The following SATL1 variants were observed in gnomAD, a reference collection of about 807,000 sequenced individuals.
SATL1 encodes the protein spermidine/spermine N1-acetyl transferase like 1.
SATL1 carries 47 observed loss-of-function variants against 51.8 expected under a neutral mutation model. The observed-to-expected ratio is 0.91, with a 90% confidence interval of 0.72 to 1.16. The LOEUF is 1.16. Ranked by LOEUF, SATL1 falls within the 50% of genes most tolerant of loss-of-function variation. The pLI, the probability that SATL1 is intolerant of heterozygous loss-of-function variation, is 0.00. For missense variants in SATL1, 520 were observed against 526.4 expected (o/e 0.99, Z 0.12); for synonymous variants, 176 against 182.4 (o/e 0.97, Z 0.28).
chrX:85,109,579 C>G (rs1383465049), intron 2 of SATL1, among the ~76,000 whole-genome samples: 1 of 111,748 alleles, frequency 8.9e-6, no homozygotes, highest in Non-Finnish European at 1.9e-5. Context: ...CTTGCCGCAA[C>G]TCCCCTCCCT....
chrX:85,129,300 G>A (rs771814811), intron 2 of SATL1, among the ~76,000 whole-genome samples: 22 of 111,885 alleles, frequency 2.0e-4, no homozygotes, highest in African/African-American at 7.1e-4. Context: ...TCTTCCATTT[G>A]TTTGTGTCCT....
At chrX:85,208,509 TCCCA>T (rs1394026445) in intron 2 of SATL1, among the ~76,000 whole-genome samples, 4 of 111,846 alleles carry the variant, frequency 3.6e-5, no homozygotes. Flanking sequence ...TAATTTACAC[TCCCA>T]CCAACAGTGT....
At chrX:85,196,434 C>A (rs1771001559) in intron 2 of SATL1, among the ~76,000 whole-genome samples, 1 of 111,436 alleles carries the variant, frequency 9.0e-6, no homozygotes, top group Non-Finnish European at 1.9e-5. Context: ...TGAAAATCCC[C>A]ACTGCATTTT....
intron 2 of SATL1, among the ~76,000 whole-genome samples, chrX:85,138,026 CT>C (rs1384759472): frequency 1.8e-5 from 2 of 111,836 alleles, no homozygotes; most frequent in Admixed American, 1.9e-4. Flanking sequence ...TTCCATCTCT[CT>C]GCTAACATTA....
intron 2 of SATL1, among the ~76,000 whole-genome samples, chrX:85,174,314 T>C (rs1234107996): frequency 1.8e-5 from 2 of 109,625 alleles, no homozygotes; most frequent in Non-Finnish European, 3.8e-5. Context: ...ATAAGACCTG[T>C]ATGGATAAAA....
At chrX:85,092,642 A>G (rs1235029175) in intron 7 of SATL1, 81 bp from the exon 8 acceptor site, 1 of 891,716 alleles carries the variant, frequency 1.1e-6, no homozygotes, top group Non-Finnish European at 1.6e-6. Flanking sequence ...TTGAAGGTCT[A>G]CTCTATGCAA....
In SATL1 at chrX:85,131,177, G is replaced by A. The variant is rs754286560; in HGVS notation, c.-312-21897C>T. Among the ~76,000 whole-genome samples, 3 of 111,609 alleles carry A rather than the reference G, an allele frequency of 2.7e-5. 1 individual carries two copies. Among genetic ancestry groups the A allele is most frequent in the African/African-American group, 6.5e-5 (2 of 30,681 alleles). On this transcript the variant is annotated intron_variant, in intron 2 of 7. Coordinates refer to ENST00000644105, the MANE Select transcript of SATL1 (RefSeq NM_001367857.2). ...GTCTATTCGGTCTGCTTGGTGCAGA[G>A]CTGAGTTCAATTCCTGGATATCCTT...
At position 85,107,921 on chromosome X, in the gene SATL1, C is replaced by A. The variant is rs1231695875; in HGVS notation, c.1048G>T (p.Gly350Cys). The change falls in exon 3 of 8, where the codon GGT (glycine) becomes TGT (cysteine). Residue 350 changes from glycine to cysteine, a missense_variant. By Grantham distance (159) the Gly-to-Cys change is radical (BLOSUM62 -3). Around this residue, in one of 3 missense-constraint regions of SATL1, gnomAD observed 488 missense variants for 474.3 expected, o/e 1.03. Transcript: ENST00000644105. ...TGGCTTGGGGCTCGTTGCGGTGGAC[C>A]TGGTTGGCTTATGCTTGCTTCACTC... ...VLSEASISQP[G>C]PPQRAPSQSG... 2 of 1,208,774 alleles carry A rather than the reference C, an allele frequency of 1.7e-6. No individual in the cohort carries two copies. Among genetic ancestry groups the A allele is most frequent in the African/African-American group, 3.5e-5 (2 of 56,696 alleles).
chrX:85,178,648 A>C (rs1480276402), intron 2 of SATL1, among the ~76,000 whole-genome samples: 2 of 100,251 alleles, frequency 2.0e-5, no homozygotes, highest in African/African-American at 8.6e-5. Flanking sequence ...ACAAACAAAC[A>C]AAAAAAAACA....
intron 1 of SATL1, among the ~76,000 whole-genome samples, chrX:85,226,101 C>A (rs763320090): frequency 9.0e-6 from 1 of 111,380 alleles, no homozygotes; most frequent in East Asian, 2.8e-4. Context: ...ATTCCCCATG[C>A]AACTCTGCAC....
At chrX:85,206,932 T>C (rs774929020) in intron 2 of SATL1, among the ~76,000 whole-genome samples, 1 of 111,442 alleles carries the variant, frequency 9.0e-6, no homozygotes, top group African/African-American at 3.3e-5. Flanking sequence ...CAGAGTGTAT[T>C]AATACAGAGG....
At chrX:85,150,113 TA>T (rs1159046925) in intron 2 of SATL1, among the ~76,000 whole-genome samples, 17 of 110,472 alleles carry the variant, frequency 1.5e-4, no homozygotes, top group African/African-American at 5.3e-4. Flanking sequence ...ATAGATGCAA[TA>T]AAAAATGATA....
intron 3 of SATL1, among the ~76,000 whole-genome samples, chrX:85,106,646 A>G (rs772971157): frequency 4.5e-5 from 5 of 111,853 alleles, no homozygotes; most frequent in African/African-American, 9.8e-5. Context: ...ACTTCAGCAC[A>G]GTAACTGTGA....
chrX:85,103,823 G>A, intron 4 of SATL1, 41 bp downstream of exon 4: 5 of 988,741 alleles, frequency 5.1e-6, no homozygotes, highest in Non-Finnish European at 7.2e-6. Context: ...AGTACTGTGT[G>A]TTTCTTTTTC....
chrX:85,161,807 A>G (rs1444192183), intron 2 of SATL1, among the ~76,000 whole-genome samples: 2 of 111,478 alleles, frequency 1.8e-5, no homozygotes, highest in East Asian at 5.6e-4. Context: ...ACTGGACCAA[A>G]TAGACCTCAC....
intron 4 of SATL1, among the ~76,000 whole-genome samples, chrX:85,102,194 T>C (rs1181493154): frequency 9.1e-6 from 1 of 109,681 alleles, no homozygotes; most frequent in African/African-American, 3.3e-5. Context: ...TAACTCGTCA[T>C]TTAGCATTAG....
intron 2 of SATL1, among the ~76,000 whole-genome samples, chrX:85,151,110 C>T (rs1265383017): frequency 1.8e-5 from 2 of 109,102 alleles, no homozygotes; most frequent in Admixed American, 2.0e-4. Context: ...TAAGCAACTT[C>T]AGCAAAGTCT....
At chrX:85,115,456 G>A (rs1403107914) in intron 2 of SATL1, among the ~76,000 whole-genome samples, 1 of 112,531 alleles carries the variant, frequency 8.9e-6, no homozygotes. Context: ...CTGGCAATGT[G>A]CCAGAAGACA....
chrX:85,162,159 A>C (rs1197875613), intron 2 of SATL1, among the ~76,000 whole-genome samples: 1 of 112,043 alleles, frequency 8.9e-6, no homozygotes, highest in Non-Finnish European at 1.9e-5. Context: ...AGATACAGCT[A>C]AGGCAAAGTT....
Sources: gnomAD v4.1 joint callset for allele counts (sites outside exome capture counted in the v4.1 genomes callset) on GRCh38, gnomAD v4.1.1 for gene constraint, gnomAD v4.1.1 regional missense constraint, MANE v1.5 for transcripts, NCBI Gene and HGNC (gene_info 2026-07-23, HGNC 2026-07-21) for gene names.